SPANXN5: variants seen among roughly 807,000 people sequenced by gnomAD.
SPANXN5 encodes sperm protein associated with the nucleus on the X chromosome N5.
In SPANXN5, 5 loss-of-function variants were observed where a neutral mutation model predicts 4.5. That is an observed-to-expected ratio of 1.11 (90% confidence interval 0.58 to 2.33). SPANXN5 has a LOEUF of 2.33. Among genes scored for constraint, SPANXN5 ranks in the 30% most tolerant of loss-of-function variants. SPANXN5 has a pLI of 0.01. For synonymous variants in SPANXN5, 20 were observed against 20.4 expected (o/e 0.98, Z 0.05); for missense variants, 41 against 50.3 (o/e 0.82, Z 0.56).
In SPANXN5 at chrX:52,797,423, C is replaced by A; in HGVS notation, c.-75G>T. On this transcript the variant is annotated 5_prime_UTR_variant, in exon 1 of 2. Coordinates refer to ENST00000375511, the MANE Select transcript of SPANXN5 (RefSeq NM_001009616.4). Reference sequence around the variant, plus strand: ...ACTTCCACAGCTATATTGAAGCTTCCCAGTGGCCCAGAGCTCTTGCCCTCC... The same window carrying A: ...ACTTCCACAGCTATATTGAAGCTTCACAGTGGCCCAGAGCTCTTGCCCTCC... 1 of 1,053,687 alleles carries A rather than the reference C, an allele frequency of 9.5e-7. No individual in the cohort carries two copies. Among genetic ancestry groups the A allele is most frequent in the Non-Finnish European group, 1.3e-6 (1 of 757,873 alleles). 86.8% of individuals were successfully genotyped at this position (1,053,687 alleles called of 1,213,427 possible).
rs1414276470 is a variant in SPANXN5 at position 52,796,321 on chromosome X, T to A, written c.*167A>T. The stretch of plus-strand genomic sequence containing the variant: ...AGATGAGTCTAGGTCTTCATCCTCT[T>A]GTGAAGATCCTTCAGATAACCCTAG... On this transcript the variant is annotated 3_prime_UTR_variant, in exon 2 of 2. Transcript: ENST00000375511. 1 of 730,119 alleles carries A rather than the reference T, an allele frequency of 1.4e-6. No individual in the cohort carries two copies. Among genetic ancestry groups the A allele is most frequent in the Non-Finnish European group, 2.1e-6 (1 of 486,749 alleles). The allele number at this position is 730,119 out of a possible 1,213,427, so 60.2% of individuals were successfully genotyped here.
chrX:52,797,274 C>A lies in SPANXN5; in HGVS notation c.75G>T (p.Glu25Asp). The change falls in exon 1 of 2, where the codon GAG becomes GAT. Residue 25 changes from glutamate (E) to aspartate (D), a missense_variant and splice_region_variant. Coordinates refer to ENST00000375511, the MANE Select transcript of SPANXN5 (RefSeq NM_001009616.4). ...TCACTTCAAAACCTAACAATCTTAC[C>A]TCATCATTTTTGCTGTTGGAGTCAC... ...SPCDSNSKNDEMQETPNRDLV... is the reference protein window; with the variant it reads ...SPCDSNSKNDDMQETPNRDLV... 1 of 1,210,526 alleles carries A rather than the reference C, an allele frequency of 8.3e-7. No homozygotes were observed. The highest frequency in any genetic ancestry group is 1.1e-6 in the Non-Finnish European group (1 of 894,626).
rs1289189710 is a variant in SPANXN5 at position 52,796,434 on chromosome X, C to T, written c.*54G>A. ...CTGCAGATGAGTCTAGGTCTTCGTCCTCCTGTGAGGATCCTTCGTCCTCCT... is the reference window on the plus strand; with the variant it reads ...CTGCAGATGAGTCTAGGTCTTCGTCTTCCTGTGAGGATCCTTCGTCCTCCT... On this transcript the variant is annotated 3_prime_UTR_variant, in exon 2 of 2. Transcript: ENST00000375511. The T allele has an allele frequency of 1.7e-6, 2 of 1,189,654 alleles. No homozygotes were observed. Among genetic ancestry groups the T allele is most frequent in the African/African-American group, 1.8e-5 (1 of 56,756 alleles).
chrX:52,796,762 T>C, intron 1 of SPANXN5, 131 bp from the exon 2 acceptor site: 1 of 920,433 alleles, frequency 1.1e-6, no homozygotes, highest in South Asian at 2.3e-5. Flanking sequence ...AAGAACAAGG[T>C]TGACTCACAG....
chrX:52,796,162 T>G lies in SPANXN5; in HGVS notation c.*326A>C. 2 of 257,977 alleles carry G rather than the reference T, an allele frequency of 7.8e-6. No homozygotes were observed. Among genetic ancestry groups the G allele is most frequent in the Non-Finnish European group, 1.5e-5 (2 of 134,382 alleles). The allele number at this position is 257,977 out of a possible 1,213,427, so 21.3% of individuals were successfully genotyped here. A position where few individuals can be genotyped will look rare whatever the true frequency, so the allele number is the denominator to read the frequency against. On this transcript the variant is annotated 3_prime_UTR_variant, in exon 2 of 2. Transcript: ENST00000375511. Reference sequence around the variant, plus strand: ...GCAGCCATCAGCTTCTCAAACTTGATTTTATTGTAATCATCACCGTTGGTG... The same window carrying G: ...GCAGCCATCAGCTTCTCAAACTTGAGTTTATTGTAATCATCACCGTTGGTG...
chrX:52,797,138 G>C, intron 1 of SPANXN5, 136 bp downstream of exon 1: 1 of 696,907 alleles, frequency 1.4e-6, no homozygotes, highest in Non-Finnish European at 2.3e-6. Flanking sequence ...GCTGTAAGCG[G>C]TGGTGGGATC....
Position 52,796,757 on chromosome X carries a change from C to A in SPANXN5, c.76-126G>T, listed in dbSNP as rs782230229. ...GGAAGGGGTTCGATCCAGAGAAGAA[C>A]AAGGTTGACTCACAGGGTAGGGATC... On this transcript the variant is annotated intron_variant, in intron 1 of 1. Transcript: ENST00000375511. 7.4e-6 allele frequency: 7 copies of A among 947,798 alleles called. No homozygotes were observed. The African/African-American group carries it at 1.2e-4, about 16-fold the overall frequency. 78.1% of individuals were successfully genotyped at this position (947,798 alleles called of 1,213,427 possible).
Position 52,796,565 on chromosome X carries a change from A to T in SPANXN5, c.142T>A (p.Tyr48Asn), listed in dbSNP as rs782667489. The T allele has an allele frequency of 1.7e-5, 21 of 1,210,123 alleles. No individual in the cohort carries two copies. In the African/African-American group the frequency reaches 3.0e-4, roughly 17 times the overall value. The stretch of plus-strand genomic sequence containing the variant: ...TAGCACAACACTAATACTGTTGAAT[A>T]TTCTGATGTTTTCATCTTTTTCAAA... ...PSLKKMKTSE[Y>N]STVLVLCYRK... Residue 48 changes from tyrosine (Y) to asparagine (N), a missense_variant, in exon 2 of 2, where the codon TAT becomes AAT. Tyr to Asn is a moderately radical substitution (Grantham distance 143). Transcript: ENST00000375511.
chrX:52,797,121 A>G (rs781920994), intron 1 of SPANXN5, among the ~76,000 whole-genome samples, 153 bp downstream of exon 1: 15 of 111,104 alleles, frequency 1.4e-4, no homozygotes, highest in Non-Finnish European at 2.5e-4. Flanking sequence ...ACCTGTAAGT[A>G]CCCCAGGCTG....
In SPANXN5 at chrX:52,797,423, C is replaced by T; in HGVS notation, c.-75G>A. On this transcript the variant is annotated 5_prime_UTR_variant, in exon 1 of 2. Coordinates refer to ENST00000375511, the MANE Select transcript of SPANXN5 (RefSeq NM_001009616.4). ...ACTTCCACAGCTATATTGAAGCTTC[C>T]CAGTGGCCCAGAGCTCTTGCCCTCC... is the stretch of plus-strand genomic sequence containing the variant. The T allele has an allele frequency of 1.9e-6, 2 of 1,053,686 alleles. No individual in the cohort carries two copies. Among genetic ancestry groups the T allele is most frequent in the Non-Finnish European group, 2.6e-6 (2 of 757,873 alleles). 86.8% of individuals were successfully genotyped at this position (1,053,686 alleles called of 1,213,427 possible). A position where few individuals can be genotyped will look rare whatever the true frequency, so the allele number is the denominator to read the frequency against.
chrX:52,796,375 G>T lies in SPANXN5; in HGVS notation c.*113C>A. 2.0e-5 allele frequency: 20 copies of T among 1,023,500 alleles called. No homozygotes were observed. Among genetic ancestry groups the T allele is most frequent in the Non-Finnish European group, 2.7e-5 (20 of 746,474 alleles). 84.3% of individuals were successfully genotyped at this position (1,023,500 alleles called of 1,213,427 possible). A position where few individuals can be genotyped will look rare whatever the true frequency, so the allele number is the denominator to read the frequency against. ...TTCATCCTCCTGTGAAGATCCTTCA[G>T]GTAATTGTAGGTCTTCATCCTGCTT... On this transcript the variant is annotated 3_prime_UTR_variant, in exon 2 of 2. Transcript: ENST00000375511.
In SPANXN5 at chrX:52,796,593, C is replaced by G; in HGVS notation, c.114G>C (p.Pro38=). 8.3e-7 allele frequency: 1 copy of G among 1,211,491 alleles called. No individual in the cohort carries two copies. The highest frequency in any genetic ancestry group is 1.1e-6 in the Non-Finnish European group (1 of 895,444). The change falls in exon 2 of 2, where the codon CCG becomes CCC. Residue 38 remains proline (P), a synonymous_variant. Coordinates refer to ENST00000375511, the MANE Select transcript of SPANXN5 (RefSeq NM_001009616.4). Reference sequence around the variant, plus strand: ...CTGATGTTTTCATCTTTTTCAAACTCGGTTCGAGGACTAAGTCCCTGTTTG... The same window carrying G: ...CTGATGTTTTCATCTTTTTCAAACTGGGTTCGAGGACTAAGTCCCTGTTTG... ...ETPNRDLVLE[P]SLKKMKTSEY... is the part of the protein sequence containing the mutation.
Position 52,796,207 on chromosome X carries a change from G to T in SPANXN5, c.*281C>A, listed in dbSNP as rs1296016223. The T allele has an allele frequency of 6.1e-6, 2 of 325,368 alleles. No individual in the cohort carries two copies. Among genetic ancestry groups the T allele is most frequent in the Admixed American group, 4.0e-5 (1 of 25,070 alleles). 26.8% of individuals were successfully genotyped at this position (325,368 alleles called of 1,213,427 possible). ...TTGGTGGTGAGGATTTGTCCAATTT[G>T]GTTTCTCCATGTTTAATTAGTCTTC... On this transcript the variant is annotated 3_prime_UTR_variant, in exon 2 of 2. Coordinates refer to ENST00000375511, the MANE Select transcript of SPANXN5 (RefSeq NM_001009616.4).
chrX:52,797,173 C>T, intron 1 of SPANXN5, 101 bp downstream of exon 1: 1 of 952,164 alleles, frequency 1.1e-6, no homozygotes, highest in African/African-American at 1.9e-5. Context: ...TCCCCCACTT[C>T]CACAAGCGTC....
In SPANXN5 at chrX:52,796,203, A is replaced by G. The variant is rs1342103753; in HGVS notation, c.*285T>C. 5.7e-5 allele frequency: 18 copies of G among 318,443 alleles called. No individual in the cohort carries two copies. The highest frequency in any genetic ancestry group is 8.7e-5 in the Non-Finnish European group (15 of 172,802). The allele number at this position is 318,443 out of a possible 1,213,427, so 26.2% of individuals were successfully genotyped here. The stretch of plus-strand genomic sequence containing the variant: ...ACCGTTGGTGGTGAGGATTTGTCCA[A>G]TTTGGTTTCTCCATGTTTAATTAGT... On this transcript the variant is annotated 3_prime_UTR_variant, in exon 2 of 2. Transcript: ENST00000375511.
intron 1 of SPANXN5, 30 bp downstream of exon 1, chrX:52,797,244 C>T (rs782477242): frequency 9.2e-6 from 11 of 1,197,997 alleles, no homozygotes; most frequent in African/African-American, 5.3e-5. Flanking sequence ...CTTTCACCCT[C>T]GCCTTCACTT....
Position 52,796,594 on chromosome X carries a change from G to A in SPANXN5, c.113C>T (p.Pro38Leu), listed in dbSNP as rs150967779. ...TGATGTTTTCATCTTTTTCAAACTC[G>A]GTTCGAGGACTAAGTCCCTGTTTGG... is the stretch of plus-strand genomic sequence containing the variant. ...ETPNRDLVLE[P>L]SLKKMKTSEY... Residue 38 changes from proline (P) to leucine (L), a missense_variant, in exon 2 of 2, where the codon CCG (proline) becomes CTG (leucine). Pro to Leu is a moderately conservative substitution (Grantham distance 98, BLOSUM62 -3). Transcript: ENST00000375511. The A allele has an allele frequency of 4.1e-6, 5 of 1,209,784 alleles. No individual in the cohort carries two copies. The highest frequency in any genetic ancestry group is 1.8e-5 in the South Asian group (1 of 56,787).
At chrX:52,796,970 A>G (rs1926582274) in intron 1 of SPANXN5, among the ~76,000 whole-genome samples, 2 of 111,866 alleles carry the variant, frequency 1.8e-5, no homozygotes, top group South Asian at 3.8e-4. Context: ...AAACATCCCT[A>G]TCATATCTTG....
intron 1 of SPANXN5, 152 bp downstream of exon 1, chrX:52,797,122 C>T (rs868975490): frequency 7.2e-5 from 44 of 610,764 alleles, no homozygotes; most frequent in Middle Eastern, 9.5e-4. Flanking sequence ...CCTGTAAGTA[C>T]CCCAGGCTGT....
Sources: gnomAD v4.1 joint callset for allele counts (sites outside exome capture counted in the v4.1 genomes callset) on GRCh38, gnomAD v4.1.1 for gene constraint, MANE v1.5 for transcripts, NCBI Gene and HGNC (gene_info 2026-07-23, HGNC 2026-07-21) for gene names.